Variants in EML6 observed in about 807,000 individuals in gnomAD.
EML6 encodes echinoderm microtubule-associated protein-like 6.
In EML6, 154 loss-of-function variants were observed where a neutral mutation model predicts 240.1. That is an observed-to-expected ratio of 0.64 (90% CI 0.56 to 0.73). EML6 has a LOEUF of 0.73. Among genes scored for constraint, EML6 ranks in the 30% least tolerant of loss-of-function variants. The pLI, the probability that EML6 is intolerant of heterozygous loss-of-function variation, is 0.00. For synonymous variants in EML6, 1,148 were observed against 899.0 expected, an observed-to-expected ratio of 1.28 and a Z score of -4.95; for missense variants, 2,964 against 2,474.6, an observed-to-expected ratio of 1.20 and a Z score of -4.20.
intron 28 of EML6, among the ~76,000 whole-genome samples, chr2:54,941,258 G>T (rs1373268221): frequency 2.0e-5 from 3 of 152,032 alleles, no homozygotes; most frequent in Non-Finnish European, 4.4e-5. Flanking sequence ...TATTTCTGTT[G>T]GGACCATTCA....
At chr2:54,815,533 C>T (rs1328027877) in intron 3 of EML6, among the ~76,000 whole-genome samples, 1 of 152,168 alleles carries the variant, frequency 6.6e-6, no homozygotes, top group African/African-American at 2.4e-5. Flanking sequence ...TTCAGTGCCC[C>T]TATTTGTGTT....
chr2:54,836,079 C>G (rs1406743245), intron 7 of EML6, among the ~76,000 whole-genome samples: 3 of 152,198 alleles, frequency 2.0e-5, no homozygotes, highest in Non-Finnish European at 2.9e-5. Flanking sequence ...TTCAGCCTCA[C>G]TGTTCTGCTG....
intron 26 of EML6, among the ~76,000 whole-genome samples, chr2:54,924,706 T>C (rs979674570): frequency 6.6e-6 from 1 of 152,124 alleles, no homozygotes; most frequent in Admixed American, 6.5e-5. Context: ...GGATCACAGG[T>C]GCCTGCTGCC....
At chr2:54,787,984 A>C (rs1669179265) in intron 2 of EML6, among the ~76,000 whole-genome samples, 1 of 152,058 alleles carries the variant, frequency 6.6e-6, no homozygotes, top group Admixed American at 6.6e-5. Flanking sequence ...CATCTCGCAG[A>C]CCCAAAAACC....
chr2:54,876,521 T>G (rs2103956664), intron 16 of EML6, among the ~76,000 whole-genome samples: 1 of 152,346 alleles, frequency 6.6e-6, no homozygotes, highest in South Asian at 2.1e-4. Flanking sequence ...AAAATCAGCT[T>G]ATCCTTAGGC....
At chr2:54,843,963 T>TG (rs758440231) in intron 7 of EML6, 84 bp from the exon 8 acceptor site, 105 of 957,128 alleles carry the variant, frequency 1.1e-4, no homozygotes, top group African/African-American at 5.4e-4. Context: ...ACTTTAGGGT[T>TG]TTGTGTGTGT....
chr2:54,897,133 T>C lies in EML6; in HGVS notation c.2982+1733T>C, dbSNP rs148159814. Among the ~76,000 whole-genome samples the C allele has an allele frequency of 1.6e-4, 24 of 152,362 alleles. No homozygotes were observed. The East Asian group carries it at 4.6e-3, about 29-fold the overall frequency. ...CAAATGTTTGAGAATGTAAATTGTT[T>C]CCATGTATGCTATATTGCTAGATAT... On this transcript the variant is annotated intron_variant, in intron 21 of 41. Transcript: ENST00000356458.
chr2:54,961,648 G>A (rs1676521178), intron 35 of EML6, among the ~76,000 whole-genome samples: 1 of 152,066 alleles, frequency 6.6e-6, no homozygotes, highest in South Asian at 2.1e-4. Flanking sequence ...GGTAGCTGAT[G>A]GAGAAAGGGC....
At chr2:54,757,980 T>A (rs1316898247) in intron 2 of EML6, among the ~76,000 whole-genome samples, 1 of 151,998 alleles carries the variant, frequency 6.6e-6, no homozygotes, top group Admixed American at 6.6e-5. Flanking sequence ...AATAACTCCC[T>A]ATCTTTTCAA....
At position 54,869,349 on chromosome 2, in the gene EML6, C is replaced by T; in HGVS notation, c.2220C>T (p.Asp740=). ...ILSLTIHPVK[D]YVATGQVGRD... The stretch of plus-strand genomic sequence containing the variant: ...GCCTGACCATCCATCCAGTGAAGGA[C>T]TATGTGGCTACTGGGCAGGTATCTA... Residue 740 remains aspartate (D), a synonymous_variant, in exon 15 of 42, where the codon GAC becomes GAT. Coordinates refer to ENST00000356458, the MANE Select transcript of EML6 (RefSeq NM_001039753.4). The T allele has an allele frequency of 6.4e-7, 1 of 1,550,918 alleles. No homozygotes were observed.
chr2:54,756,991 T>A (rs1020776257), intron 2 of EML6, among the ~76,000 whole-genome samples: 4 of 152,004 alleles, frequency 2.6e-5, no homozygotes, highest in Non-Finnish European at 4.4e-5. Flanking sequence ...GGTAGATTTT[T>A]CTATTTTGTC....
At chr2:54,827,159 C>T (rs1338635620) in intron 5 of EML6, among the ~76,000 whole-genome samples, 1 of 152,200 alleles carries the variant, frequency 6.6e-6, no homozygotes, top group African/African-American at 2.4e-5. Flanking sequence ...TACAGACTAT[C>T]ACAATTTTCC....
chr2:54,884,621 G>T (rs1181788341), intron 17 of EML6, among the ~76,000 whole-genome samples: 1 of 152,162 alleles, frequency 6.6e-6, no homozygotes, highest in African/African-American at 2.4e-5. Flanking sequence ...GGAGTAGTAG[G>T]TCAGGAAATG....
chr2:54,950,913 C>G, intron 30 of EML6, 134 bp downstream of exon 30: 1 of 967,346 alleles, frequency 1.0e-6, no homozygotes, highest in Non-Finnish European at 1.5e-6. Context: ...AGCATGGTCT[C>G]AGTTAGGCCT....
At chr2:54,737,683 C>T (rs1030750169) in intron 2 of EML6, among the ~76,000 whole-genome samples, 7 of 152,210 alleles carry the variant, frequency 4.6e-5, no homozygotes, top group Non-Finnish European at 1.0e-4. Context: ...ATTCTAAACA[C>T]AGCAGCCAGA....
intron 26 of EML6, among the ~76,000 whole-genome samples, chr2:54,926,775 CCT>C (rs1401518114): frequency 6.6e-6 from 1 of 152,082 alleles, no homozygotes; most frequent in Admixed American, 6.6e-5. Flanking sequence ...TGAATTTTTT[CCT>C]CTCTCTTTCT....
intron 2 of EML6, among the ~76,000 whole-genome samples, chr2:54,750,625 T>TCA (rs1684118807): frequency 4.6e-5 from 7 of 152,176 alleles, no homozygotes; most frequent in Admixed American, 3.9e-4. Context: ...GTCGTTGGCC[T>TCA]CATTCTTTCC....
At chr2:54,937,318 G>C (rs9808435) in intron 28 of EML6, among the ~76,000 whole-genome samples, 47,580 of 150,728 alleles carry the variant, frequency 0.32, 7,838 homozygotes, top group Non-Finnish European at 0.34. Flanking sequence ...AGCATGGTGG[G>C]GCAAGCCGGT....
At chr2:54,968,059 TG>T in intron 39 of EML6, 68 bp from the exon 40 acceptor site, 2 of 1,434,320 alleles carry the variant, frequency 1.4e-6, no homozygotes, top group Non-Finnish European at 9.6e-7. Flanking sequence ...CCCTGGGAGG[TG>T]ATGACTGACT....
Sources: allele counts gnomAD v4.1 joint callset (sites outside exome capture counted in the v4.1 genomes callset), GRCh38; gene constraint gnomAD v4.1.1; transcripts MANE v1.5; gene names NCBI Gene and HGNC (gene_info 2026-07-23, HGNC 2026-07-21).